The following MRPL58 variants were observed in gnomAD, a reference collection of about 807,000 sequenced individuals.
The protein encoded by MRPL58 is large ribosomal subunit protein mL62.
Under a neutral mutation model 26.0 loss-of-function variants are expected in MRPL58, and 17 were observed. That is an observed-to-expected ratio of 0.65 (90% CI 0.45 to 0.98). The LOEUF (loss-of-function observed/expected upper bound fraction) is 0.98, where lower values mean the gene tolerates loss of function less well. Ranked by LOEUF, MRPL58 falls within the 50% of genes least tolerant of loss-of-function variation. The probability of loss-of-function intolerance (pLI) is 0.00; values close to 1 mark genes in which losing one functional copy is unlikely to be tolerated. For synonymous variants in MRPL58, 100 were observed against 99.7 expected (o/e 1.00, Z -0.02); for missense variants, 250 against 269.0 (o/e 0.93, Z 0.49).
intron 1 of MRPL58, among the ~76,000 whole-genome samples, chr17:75,016,063 C>G (rs1013174652): frequency 7.0e-6 from 1 of 142,840 alleles, no homozygotes; most frequent in East Asian, 2.3e-4. Flanking sequence ...GGGATTACGG[C>G]GTGAGCCACT....
At chr17:75,016,862 A>G (rs1052922134) in intron 1 of MRPL58, among the ~76,000 whole-genome samples, 1 of 152,234 alleles carries the variant, frequency 6.6e-6, no homozygotes, top group Admixed American at 6.5e-5. Flanking sequence ...GGCTGGAGAC[A>G]TCAGATCCAT....
chr17:75,017,673 G>A (rs947299967), intron 2 of MRPL58, among the ~76,000 whole-genome samples: 9 of 151,968 alleles, frequency 5.9e-5, no homozygotes, highest in East Asian at 2.0e-4. Context: ...GCTTGAACCC[G>A]GAAGGCAGAG....
chr17:75,020,714 C>G, intron 5 of MRPL58, 57 bp downstream of exon 5: 1 of 1,569,770 alleles, frequency 6.4e-7, no homozygotes, highest in Non-Finnish European at 8.8e-7. Flanking sequence ...AGAGTCTACA[C>G]AGGTAAGGAA....
At position 75,014,289 on chromosome 17, in the gene MRPL58, C is replaced by T. The variant is rs1186699971; in HGVS notation, c.186+1417C>T. ...CAAGCTCCGCCTCCCGGGTTCACGC[C>T]ATTCTCCTGCCTCAGTCTCCTGAGT... On this transcript the variant is annotated intron_variant, in intron 1 of 5. Coordinates refer to ENST00000301585, the MANE Select transcript of MRPL58 (RefSeq NM_001545.3). Among the ~76,000 whole-genome samples the T allele has an allele frequency of 2.1e-5, 3 of 145,262 alleles. No homozygotes were observed. In the Admixed American group the frequency reaches 2.1e-4, roughly 10 times the overall value.
At chr17:75,012,950 C>A in intron 1 of MRPL58, 78 bp downstream of exon 1, 3 of 1,344,144 alleles carry the variant, frequency 2.2e-6, no homozygotes, top group Non-Finnish European at 3.1e-6. Flanking sequence ...GCCCATTGGC[C>A]GGATGTGGAG....
At chr17:75,017,150 G>GCAGCCGCCC in intron 2 of MRPL58, 36 bp downstream of exon 2, 1 of 1,541,144 alleles carries the variant, frequency 6.5e-7, no homozygotes. Context: ...TCAGTTGGCT[G>GCAGCCGCCC]CGTGGTGGCA....
chr17:75,017,819 A>G (rs4788856), intron 2 of MRPL58, among the ~76,000 whole-genome samples: 62,791 of 151,598 alleles, frequency 0.41, 14,052 homozygotes, highest in African/African-American at 0.6. Flanking sequence ...AGCTACTCGG[A>G]AGGCTGAGGC....
chr17:75,017,440 C>T (rs1228114286), intron 2 of MRPL58, among the ~76,000 whole-genome samples: 2 of 152,178 alleles, frequency 1.3e-5, no homozygotes, highest in Admixed American at 1.3e-4. Context: ...TGGTGAAACC[C>T]CATCTCTACT....
chr17:75,013,915 T>G (rs942931617), intron 1 of MRPL58, among the ~76,000 whole-genome samples: 8 of 152,128 alleles, frequency 5.3e-5, no homozygotes, highest in African/African-American at 1.9e-4. Context: ...GGAGACCTAT[T>G]GGAGAGCTTG....
intron 3 of MRPL58, 78 bp downstream of exon 3, chr17:75,019,837 C>T: frequency 8.8e-7 from 1 of 1,135,472 alleles, no homozygotes; most frequent in Non-Finnish European, 1.3e-6. Flanking sequence ...TGTTTGTGTT[C>T]ATATGGAATA....
At chr17:75,015,993 C>G (rs1057210863) in intron 1 of MRPL58, among the ~76,000 whole-genome samples, 2 of 151,620 alleles carry the variant, frequency 1.3e-5, no homozygotes, top group African/African-American at 4.8e-5. Context: ...CCATGTTGTC[C>G]AGGCTGGTCT....
At chr17:75,015,204 T>C (rs544522332) in intron 1 of MRPL58, among the ~76,000 whole-genome samples, 45 of 152,346 alleles carry the variant, frequency 3.0e-4, no homozygotes, top group African/African-American at 1.1e-3. Flanking sequence ...GGCTATTTTC[T>C]GGCCAGGCGC....
intron 2 of MRPL58, among the ~76,000 whole-genome samples, chr17:75,019,322 C>T (rs1016742523): frequency 1.3e-5 from 2 of 152,070 alleles, no homozygotes; most frequent in African/African-American, 2.4e-5. Flanking sequence ...TCATGGATCC[C>T]GAAGCGTTCC....
intron 3 of MRPL58, 150 bp downstream of exon 3, chr17:75,019,909 G>C: frequency 1.6e-6 from 1 of 631,802 alleles, no homozygotes; most frequent in East Asian, 2.9e-5. Context: ...TTATTCTTTT[G>C]AATGTGGTCT....
intron 5 of MRPL58, 132 bp downstream of exon 5, chr17:75,020,789 T>C: frequency 1.6e-6 from 2 of 1,237,010 alleles, no homozygotes; most frequent in Non-Finnish European, 2.4e-6. Context: ...GATGCTGACC[T>C]GGGACCGAGG....
intron 1 of MRPL58, among the ~76,000 whole-genome samples, chr17:75,013,076 G>A (rs2039945286): frequency 6.6e-6 from 1 of 152,188 alleles, no homozygotes; most frequent in African/African-American, 2.4e-5. Flanking sequence ...CGGAAGGCCG[G>A]CTGGGTATGC....
chr17:75,017,917 C>CT (rs1237695354), intron 2 of MRPL58, among the ~76,000 whole-genome samples: 1 of 127,792 alleles, frequency 7.8e-6, no homozygotes, highest in African/African-American at 3.4e-5. Flanking sequence ...CAGCGAGACT[C>CT]TGTCTCAGAC....
At chr17:75,015,914 T>C (rs2039970569) in intron 1 of MRPL58, among the ~76,000 whole-genome samples, 1 of 150,222 alleles carries the variant, frequency 6.7e-6, no homozygotes, top group South Asian at 2.1e-4. Context: ...CCTCCCCCAG[T>C]AGCTAGGATT....
chr17:75,013,435 TTCAC>T (rs34999487), intron 1 of MRPL58, among the ~76,000 whole-genome samples: 7,633 of 152,238 alleles, frequency 0.05, 283 homozygotes, highest in African/African-American at 0.1. Context: ...TGTTCATTAA[TTCAC>T]TCACTCACTC....
Sources: allele counts gnomAD v4.1 joint callset (sites outside exome capture counted in the v4.1 genomes callset), GRCh38; gene constraint gnomAD v4.1.1; transcripts MANE v1.5; gene names NCBI Gene and HGNC (gene_info 2026-07-23, HGNC 2026-07-21).